Variants in ZBTB38 observed in about 807,000 individuals in gnomAD.
ZBTB38 encodes the protein zinc finger and BTB domain containing 38, also known as zinc finger and BTB domain-containing protein 38.
ZBTB38 carries 20 observed loss-of-function variants against 76.8 expected under a neutral mutation model. The observed-to-expected ratio is 0.26, with a 90% confidence interval of 0.18 to 0.38. The LOEUF (loss-of-function observed/expected upper bound fraction) is 0.38, where lower values mean the gene tolerates loss of function less well. Among genes scored for constraint, ZBTB38 ranks in the 10% least tolerant of loss-of-function variants. ZBTB38 has a pLI of 1.00. For missense variants in ZBTB38, 1,082 were observed against 1,482.3 expected (o/e 0.73, Z 4.43); for synonymous variants, 504 against 544.2 (o/e 0.93, Z 1.03).
chr3:141,352,077 AATGCTGC>A (rs1943533856), intron 1 of ZBTB38, among the ~76,000 whole-genome samples: 1 of 152,160 alleles, frequency 6.6e-6, no homozygotes, highest in Admixed American at 6.5e-5. Context: ...GTTTTGGCCT[AATGCTGC>A]AGACAAAGTC....
chr3:141,377,925 C>A (rs549841830), intron 2 of ZBTB38, among the ~76,000 whole-genome samples: 16 of 152,264 alleles, frequency 1.1e-4, no homozygotes, highest in Admixed American at 1.0e-3. Flanking sequence ...GTGGCTCATG[C>A]TTGTAATCCC....
intron 5 of ZBTB38, among the ~76,000 whole-genome samples, chr3:141,423,956 G>A (rs2075914637): frequency 6.6e-6 from 1 of 152,200 alleles, no homozygotes; most frequent in African/African-American, 2.4e-5. Flanking sequence ...ACAGATCGGA[G>A]AGGTAATGAG....
intron 4 of ZBTB38, chr3:141,402,568 G>C (rs1369127508): frequency 6.6e-6 from 1 of 151,284 alleles, no homozygotes; most frequent in Non-Finnish European, 1.5e-5. Flanking sequence ...GGAGGGAGCC[G>C]GGAAGCCGGG....
intron 2 of ZBTB38, among the ~76,000 whole-genome samples, chr3:141,376,429 G>T (rs1047519906): frequency 6.6e-6 from 1 of 152,078 alleles, no homozygotes; most frequent in Non-Finnish European, 1.5e-5. Flanking sequence ...TTATCTCAAG[G>T]TTATCCCTGT....
chr3:141,420,374 C>A (rs978951841), intron 5 of ZBTB38, among the ~76,000 whole-genome samples: 1 of 152,224 alleles, frequency 6.6e-6, no homozygotes, highest in Non-Finnish European at 1.5e-5. Flanking sequence ...GACCACAGAT[C>A]AGTTCCAGGG....
chr3:141,370,005 T>C (rs938611657), intron 2 of ZBTB38, 59 bp downstream of exon 2: 1 of 152,220 alleles, frequency 6.6e-6, no homozygotes, highest in Admixed American at 6.5e-5. Flanking sequence ...TCTCCTTTTT[T>C]AGTTTGTGGT....
chr3:141,374,980 G>A (rs1340973961), intron 2 of ZBTB38, among the ~76,000 whole-genome samples: 1 of 152,174 alleles, frequency 6.6e-6, no homozygotes, highest in African/African-American at 2.4e-5. Flanking sequence ...GGAGGAGCCT[G>A]GGGATATGCA....
chr3:141,380,350 C>A (rs1346911776), intron 2 of ZBTB38, among the ~76,000 whole-genome samples: 1 of 152,216 alleles, frequency 6.6e-6, no homozygotes, highest in East Asian at 1.9e-4. Context: ...CTAGGAGAGA[C>A]AGGTTTACAC....
At chr3:141,378,166 G>A (rs558345748) in intron 2 of ZBTB38, among the ~76,000 whole-genome samples, 11 of 146,782 alleles carry the variant, frequency 7.5e-5, no homozygotes, top group Non-Finnish European at 1.2e-4. Flanking sequence ...GTGACAGAGC[G>A]AGACCCTGTC....
chr3:141,332,692 G>T (rs995346943), intron 1 of ZBTB38, among the ~76,000 whole-genome samples: 2 of 152,206 alleles, frequency 1.3e-5, no homozygotes, highest in African/African-American at 4.8e-5. Context: ...GCTTCTAGAA[G>T]AGCCTGCAGA....
At chr3:141,407,051 G>A (rs1218904319) in intron 5 of ZBTB38, among the ~76,000 whole-genome samples, 1 of 152,186 alleles carries the variant, frequency 6.6e-6, no homozygotes, top group Non-Finnish European at 1.5e-5. Context: ...GCTGTTAAAT[G>A]TGGTTTTGAT....
chr3:141,351,500 A>G (rs1350328522), intron 1 of ZBTB38, among the ~76,000 whole-genome samples: 1 of 151,832 alleles, frequency 6.6e-6, no homozygotes, highest in African/African-American at 2.4e-5. Flanking sequence ...TGAGGCAGGA[A>G]GATTGCTTGA....
chr3:141,395,234 A>C (rs1385929668), intron 4 of ZBTB38, among the ~76,000 whole-genome samples: 2 of 152,258 alleles, frequency 1.3e-5, no homozygotes, highest in African/African-American at 4.8e-5. Flanking sequence ...AGGAAATAAC[A>C]TAATACAAAA....
intron 3 of ZBTB38, among the ~76,000 whole-genome samples, chr3:141,383,011 C>T (rs1946421224): frequency 6.6e-6 from 1 of 152,152 alleles, no homozygotes; most frequent in South Asian, 2.1e-4. Flanking sequence ...CTATTAGTTC[C>T]TCACCTAAAA....
rs10575001 is a variant in ZBTB38, at chr3:141,378,361, T to TAC, written c.-234-3048_-234-3047dup. Among the ~76,000 whole-genome samples, 1,069 of 150,276 alleles carry TAC rather than the reference T, an allele frequency of 7.1e-3. 12 individuals carry two copies. Among genetic ancestry groups the TAC allele is most frequent in the South Asian group, 0.039 (184 of 4,744 alleles). ...TTGCATAGAACTGTAGACATACAGG[T>TAC]ACACACACACACACACAGAGTGCAT... is the stretch of plus-strand genomic sequence containing the variant. On this transcript the variant is annotated intron_variant, in intron 2 of 5. Coordinates refer to ENST00000321464, the MANE Select transcript of ZBTB38 (RefSeq NM_001376113.1).
chr3:141,399,327 C>T (rs1280840978), intron 4 of ZBTB38, among the ~76,000 whole-genome samples: 1 of 152,198 alleles, frequency 6.6e-6, no homozygotes, highest in Non-Finnish European at 1.5e-5. Context: ...ATTCATGCCA[C>T]TTCCCATAAG....
intron 2 of ZBTB38, among the ~76,000 whole-genome samples, chr3:141,370,869 T>C (rs1308703050): frequency 2.0e-5 from 3 of 152,202 alleles, no homozygotes; most frequent in Non-Finnish European, 4.4e-5. Context: ...CCCAGTGGTC[T>C]ATAGGAAAGC....
At chr3:141,438,547 G>A (rs2079353098) in intron 5 of ZBTB38, among the ~76,000 whole-genome samples, 1 of 152,154 alleles carries the variant, frequency 6.6e-6, no homozygotes, top group African/African-American at 2.4e-5. Flanking sequence ...TATTAGCTGG[G>A]AAGTGGAGTC....
At chr3:141,365,008 C>T (rs983586418), upstream of ZBTB38, among the ~76,000 whole-genome samples, 4 of 151,916 alleles carry the variant, frequency 2.6e-5, no homozygotes, top group Non-Finnish European at 2.9e-5. Context: ...AAACATAGTA[C>T]GATATCACTC....
Sources: gnomAD v4.1 joint callset for allele counts (sites outside exome capture counted in the v4.1 genomes callset) on GRCh38, gnomAD v4.1.1 for gene constraint, MANE v1.5 for transcripts, NCBI Gene and HGNC (gene_info 2026-07-23, HGNC 2026-07-21) for gene names.